The following CAMK4 variants were observed in gnomAD, a reference collection of about 807,000 sequenced individuals.
CAMK4 encodes calcium/calmodulin-dependent protein kinase type IV.
In CAMK4, 22 loss-of-function variants were observed where a neutral mutation model predicts 44.9. The ratio of observed to expected loss-of-function variants is 0.49; its 90% CI spans 0.35 to 0.70. The LOEUF (loss-of-function observed/expected upper bound fraction) is 0.70. CAMK4 is among the 30% of genes least tolerant of loss of function. The probability of loss-of-function intolerance (pLI) is 0.01; values close to 1 mark genes in which losing one functional copy is unlikely to be tolerated. For missense variants in CAMK4, 498 were observed against 586.8 expected, an observed-to-expected ratio of 0.85 and a Z score of 1.56; for synonymous variants, 218 against 215.4, an observed-to-expected ratio of 1.01 and a Z score of -0.11.
At chr5:111,224,106 G>T (rs571137042), upstream of CAMK4, 11 of 181,220 alleles carry the variant, frequency 6.1e-5, no homozygotes, top group Admixed American at 1.3e-4. This position sits in a 1 kb window ranked among gnomAD's most constrained non-coding sequence, Gnocchi z 5.7. Flanking sequence ...ATCCGGAGCC[G>T]CCCTAGCCGG....
intron 1 of CAMK4, among the ~76,000 whole-genome samples, chr5:111,301,412 A>G (rs1434122948): frequency 6.6e-6 from 1 of 152,212 alleles, no homozygotes; most frequent in Admixed American, 6.5e-5. Context: ...TTGCTCCTAC[A>G]TGGATGGTGA....
intron 1 of CAMK4, among the ~76,000 whole-genome samples, chr5:111,298,482 T>C (rs948978760): frequency 1.3e-5 from 2 of 152,190 alleles, no homozygotes; most frequent in East Asian, 1.9e-4. Flanking sequence ...CAGGTCCTGA[T>C]TGAGAAGGTA....
At chr5:111,409,526 A>T (rs1159270566) in intron 5 of CAMK4, among the ~76,000 whole-genome samples, 1 of 152,184 alleles carries the variant, frequency 6.6e-6, no homozygotes, top group African/African-American at 2.4e-5. Context: ...AAGGTCTCTG[A>T]CTTGCCTTGG....
intron 2 of CAMK4, among the ~76,000 whole-genome samples, chr5:111,357,008 G>A (rs1267889090): frequency 6.6e-6 from 1 of 152,030 alleles, no homozygotes; most frequent in East Asian, 1.9e-4. Context: ...CCTGAGTGCT[G>A]TTGCCCAAAA....
chr5:111,414,562 A>T (rs943942619), intron 5 of CAMK4, among the ~76,000 whole-genome samples: 10 of 152,208 alleles, frequency 6.6e-5, no homozygotes, highest in Non-Finnish European at 2.9e-5. Context: ...GGGCAATAAG[A>T]CATGACATAG....
intron 2 of CAMK4, among the ~76,000 whole-genome samples, chr5:111,352,658 A>AGAGG (rs1750161844): frequency 7.1e-6 from 1 of 140,868 alleles, no homozygotes; most frequent in East Asian, 2.4e-4. Flanking sequence ...AGAGAGAGAG[A>AGAGG]GAGAGGGAGA....
intron 2 of CAMK4, among the ~76,000 whole-genome samples, chr5:111,368,520 G>GC (rs1182052015): frequency 6.6e-6 from 1 of 152,096 alleles, no homozygotes; most frequent in Non-Finnish European, 1.5e-5. Context: ...AAAGAGAACT[G>GC]CCCCTGAGAG....
At chr5:111,276,274 T>C (rs919715609) in intron 1 of CAMK4, among the ~76,000 whole-genome samples, 1 of 152,200 alleles carries the variant, frequency 6.6e-6, no homozygotes, top group African/African-American at 2.4e-5. Context: ...TCTCCCCTTT[T>C]TTGGAGCACA....
chr5:111,260,066 C>G (rs990324902), intron 1 of CAMK4, among the ~76,000 whole-genome samples: 2 of 152,040 alleles, frequency 1.3e-5, no homozygotes, highest in Non-Finnish European at 2.9e-5. Context: ...AAATAATAGC[C>G]GAAAAGAATT....
At chr5:111,252,265 G>T (rs1208880183) in intron 1 of CAMK4, among the ~76,000 whole-genome samples, 1 of 152,174 alleles carries the variant, frequency 6.6e-6, no homozygotes, top group Non-Finnish European at 1.5e-5. Context: ...GACTCTGATT[G>T]TTGGCTGCTG....
chr5:111,279,273 G>C (rs540694958), intron 1 of CAMK4, among the ~76,000 whole-genome samples: 2 of 152,246 alleles, frequency 1.3e-5, no homozygotes, highest in East Asian at 3.9e-4. Flanking sequence ...AAGGGACCTG[G>C]GTTTCCGGCC....
intron 4 of CAMK4, among the ~76,000 whole-genome samples, chr5:111,382,168 A>G (rs575159011): frequency 1.3e-5 from 2 of 152,264 alleles, no homozygotes; most frequent in South Asian, 4.1e-4. Context: ...TTTTTGAGGT[A>G]TTATTATCCA....
intron 1 of CAMK4, among the ~76,000 whole-genome samples, chr5:111,242,121 C>A (rs532502050): frequency 2.0e-5 from 3 of 152,260 alleles, no homozygotes; most frequent in African/African-American, 7.2e-5. Flanking sequence ...ACCTGGTGTC[C>A]TGCTTGTGTA....
intron 1 of CAMK4, among the ~76,000 whole-genome samples, chr5:111,341,410 C>G: frequency 1.3e-5 from 2 of 150,812 alleles, no homozygotes; most frequent in East Asian, 3.9e-4. Flanking sequence ...TTGTTTTTAT[C>G]TTTTTACATA....
chr5:111,384,011 G>A (rs910851185), intron 4 of CAMK4, among the ~76,000 whole-genome samples: 3 of 152,094 alleles, frequency 2.0e-5, no homozygotes, highest in Non-Finnish European at 4.4e-5. Context: ...GAAGTGTGGT[G>A]GGTTAGAAGA....
rs533693120 is a variant in CAMK4 at position 111,370,830 on chromosome 5, G to A, written c.241-4020G>A. Among the ~76,000 whole-genome samples the A allele has an allele frequency of 2.6e-5, 4 of 152,186 alleles. No individual in the cohort carries two copies. The South Asian group carries it at 6.2e-4, about 24-fold the overall frequency. ...CTCAGGAGGCTGAGGCAGGAGAATC[G>A]CTTGAACTTGGGAGGCAGAGGTTGC... On this transcript the variant is annotated intron_variant, in intron 2 of 10. Coordinates refer to ENST00000282356, the MANE Select transcript of CAMK4 (RefSeq NM_001744.6).
At position 111,279,145 on chromosome 5, in the gene CAMK4, C is replaced by A. The variant is rs145221962; in HGVS notation, c.161+54501C>A. ...TAAGTCTAGTTTGGACCCATTATTT[C>A]TTTTATTTGTAGCAAATTTGGTCGT... On this transcript the variant is annotated intron_variant, in intron 1 of 10. Coordinates refer to ENST00000282356, the MANE Select transcript of CAMK4 (RefSeq NM_001744.6). Among the ~76,000 whole-genome samples the A allele has an allele frequency of 3.5e-3, 532 of 152,230 alleles. 5 individuals carry two copies. Among genetic ancestry groups the A allele is most frequent in the African/African-American group, 0.012 (493 of 41,526 alleles).
intron 5 of CAMK4, among the ~76,000 whole-genome samples, chr5:111,427,581 C>A (rs988848937): frequency 6.6e-6 from 1 of 152,314 alleles, no homozygotes; most frequent in East Asian, 1.9e-4. Flanking sequence ...TAAGTTGGGC[C>A]TTAAGGGAAC....
intron 5 of CAMK4, among the ~76,000 whole-genome samples, chr5:111,431,354 A>G (rs890385341): frequency 6.6e-6 from 1 of 152,210 alleles, no homozygotes; most frequent in African/African-American, 2.4e-5. Context: ...GTATACAAAA[A>G]TTAAATCAAA....
Sources: allele counts gnomAD v4.1 joint callset (sites outside exome capture counted in the v4.1 genomes callset), GRCh38; gene constraint gnomAD v4.1.1; non-coding constraint Gnocchi (gnomAD v3.1); transcripts MANE v1.5; gene names NCBI Gene and HGNC (gene_info 2026-07-23, HGNC 2026-07-21).